The following TAX1BP1 variants were observed in gnomAD, a reference collection of about 807,000 sequenced individuals.
The protein encoded by TAX1BP1 is Tax1 binding protein 1.
Under a neutral mutation model 97.7 loss-of-function variants are expected in TAX1BP1, and 62 were observed. The observed-to-expected ratio is 0.63, with a 90% confidence interval of 0.52 to 0.78. The LOEUF is 0.78. TAX1BP1 is among the 30% of genes least tolerant of loss of function. TAX1BP1 has a pLI of 0.00. For missense variants in TAX1BP1, 867 were observed against 916.1 expected (o/e 0.95, Z 0.69); for synonymous variants, 340 against 304.2 (o/e 1.12, Z -1.23).
rs1457371957 is a variant in TAX1BP1 at position 27,821,827 on chromosome 7, C to A, written c.2085+4789C>A. Among the ~76,000 whole-genome samples, 4 of 152,238 alleles carry A rather than the reference C, an allele frequency of 2.6e-5. No individual in the cohort carries two copies. In the South Asian group the frequency reaches 6.2e-4, roughly 24 times the overall value. ...AAACCCTGTAGCCTGTAGCGGTTAA[C>A]CTCTTCCCATTTATTCCCACCAGCC... On this transcript the variant is annotated intron_variant, in intron 15 of 16. Transcript: ENST00000396319.
intron 5 of TAX1BP1, among the ~76,000 whole-genome samples, chr7:27,784,920 C>T (rs954057083): frequency 6.6e-6 from 1 of 151,972 alleles, no homozygotes; most frequent in Non-Finnish European, 1.5e-5. Flanking sequence ...ATTGTGCCAC[C>T]ATACTGCAGC....
intron 13 of TAX1BP1, among the ~76,000 whole-genome samples, chr7:27,812,696 C>T (rs1366357177): frequency 2.0e-5 from 3 of 152,006 alleles, no homozygotes; most frequent in African/African-American, 7.3e-5. Flanking sequence ...TATATAAGTA[C>T]CCAGTTTTTA....
intron 5 of TAX1BP1, chr7:27,772,038 C>CA (rs1220083229): frequency 6.6e-6 from 1 of 151,464 alleles, no homozygotes; most frequent in Non-Finnish European, 1.5e-5. Flanking sequence ...ATAATGTAAC[C>CA]AAAAAAACCC....
intron 2 of TAX1BP1, among the ~76,000 whole-genome samples, chr7:27,757,268 A>G (rs913127619): frequency 6.6e-6 from 1 of 152,174 alleles, no homozygotes; most frequent in African/African-American, 2.4e-5. Flanking sequence ...TCCATCTGGA[A>G]AATACAGATT....
intron 1 of TAX1BP1, among the ~76,000 whole-genome samples, chr7:27,746,253 T>C (rs1163529162): frequency 6.6e-6 from 1 of 152,186 alleles, no homozygotes; most frequent in Non-Finnish European, 1.5e-5. Context: ...GCGTGACTAT[T>C]CACTCACTTC....
chr7:27,740,895 C>G (rs1369165432), intron 1 of TAX1BP1, among the ~76,000 whole-genome samples: 2 of 152,228 alleles, frequency 1.3e-5, no homozygotes, highest in African/African-American at 4.8e-5. Context: ...CCACCCCGCC[C>G]CGTTCGCAAG....
chr7:27,804,619 G>A (rs968643237), intron 13 of TAX1BP1, among the ~76,000 whole-genome samples: 5 of 152,140 alleles, frequency 3.3e-5, no homozygotes, highest in Admixed American at 1.3e-4. Flanking sequence ...TTATTCACAC[G>A]TAATTCACAC....
At chr7:27,755,132 T>A (rs997310683) in intron 2 of TAX1BP1, among the ~76,000 whole-genome samples, 1 of 152,196 alleles carries the variant, frequency 6.6e-6, no homozygotes, top group Non-Finnish European at 1.5e-5. Context: ...GAAGCTACAT[T>A]GTATACAGAA....
upstream of TAX1BP1, chr7:27,739,495 T>C (rs1340085883): frequency 6.6e-6 from 1 of 152,064 alleles, no homozygotes; most frequent in Non-Finnish European, 1.5e-5. Flanking sequence ...ATTTTAGAAA[T>C]AACAGAACGC....
chr7:27,755,631 T>C (rs970177048), intron 2 of TAX1BP1, among the ~76,000 whole-genome samples: 1 of 152,242 alleles, frequency 6.6e-6, no homozygotes, highest in Admixed American at 6.5e-5. Context: ...TTCTCCCTTC[T>C]CTGTCACCCT....
At chr7:27,778,754 C>T (rs1011829789) in intron 5 of TAX1BP1, among the ~76,000 whole-genome samples, 13 of 151,370 alleles carry the variant, frequency 8.6e-5, no homozygotes, top group African/African-American at 2.7e-4. Flanking sequence ...TCCTGCTACT[C>T]GGGAGGCTGA....
At position 27,759,885 on chromosome 7, in the gene TAX1BP1, A is replaced by T. The variant is rs190709966; in HGVS notation, c.265+1752A>T. 3.5e-3 allele frequency among the ~76,000 whole-genome samples: 526 copies of T among 148,386 alleles called. 7 individuals carry two copies. Among genetic ancestry groups the T allele is most frequent in the African/African-American group, 0.012 (497 of 40,220 alleles). On this transcript the variant is annotated intron_variant, in intron 3 of 16. Coordinates refer to ENST00000396319, the MANE Select transcript of TAX1BP1 (RefSeq NM_006024.7). ...TTTTTTTTTTTTGAGCCGGAGTCAC[A>T]CTGTGTTACCCAGGCTGGAGTGCAA...
chr7:27,812,053 T>C (rs563756633), intron 13 of TAX1BP1, among the ~76,000 whole-genome samples: 47 of 152,344 alleles, frequency 3.1e-4, no homozygotes, highest in Non-Finnish European at 5.7e-4. Context: ...AGTGTATGTT[T>C]TTAATGAAAC....
intron 13 of TAX1BP1, among the ~76,000 whole-genome samples, chr7:27,813,349 T>TC (rs1790634718): frequency 6.6e-6 from 1 of 151,086 alleles, no homozygotes; most frequent in Non-Finnish European, 1.5e-5. Context: ...TCTTTTCTTT[T>TC]CTTTTTTTTT....
At chr7:27,781,122 C>T (rs1239407092) in intron 5 of TAX1BP1, among the ~76,000 whole-genome samples, 1 of 151,986 alleles carries the variant, frequency 6.6e-6, no homozygotes, top group Non-Finnish European at 1.5e-5. Flanking sequence ...GTCTCTCTTC[C>T]CCCTCCTCTC....
At chr7:27,794,478 G>GT (rs1380221676) in intron 11 of TAX1BP1, 32 bp downstream of exon 11, 1 of 1,556,378 alleles carries the variant, frequency 6.4e-7, no homozygotes, top group Admixed American at 1.9e-5. Context: ...TGTGTAGGGT[G>GT]TCCTACATTG....
At chr7:27,814,919 A>T (rs924304021) in intron 13 of TAX1BP1, among the ~76,000 whole-genome samples, 7 of 152,078 alleles carry the variant, frequency 4.6e-5, no homozygotes, top group Non-Finnish European at 8.8e-5. Flanking sequence ...TTGTATTTTT[A>T]GTAGAGACGG....
chr7:27,774,615 G>C (rs1241446941), intron 5 of TAX1BP1, among the ~76,000 whole-genome samples: 1 of 151,902 alleles, frequency 6.6e-6, no homozygotes, highest in African/African-American at 2.4e-5. Flanking sequence ...GGATTTTATG[G>C]TCTTGAAAAA....
intron 5 of TAX1BP1, among the ~76,000 whole-genome samples, chr7:27,782,390 C>T (rs1244750095): frequency 6.6e-6 from 1 of 151,982 alleles, no homozygotes; most frequent in African/African-American, 2.4e-5. Context: ...CAGGCACACA[C>T]CACCACGCCC....
Sources: allele counts gnomAD v4.1 joint callset (sites outside exome capture counted in the v4.1 genomes callset), GRCh38; gene constraint gnomAD v4.1.1; transcripts MANE v1.5; gene names NCBI Gene and HGNC (gene_info 2026-07-23, HGNC 2026-07-21).